Variants in MAEA observed in about 807,000 individuals in gnomAD.
MAEA encodes E3 ubiquitin-protein transferase MAEA.
MAEA carries 22 observed loss-of-function variants against 46.2 expected under a neutral mutation model. The ratio of observed to expected loss-of-function variants is 0.48; its 90% confidence interval spans 0.34 to 0.68. The LOEUF is 0.68. Among genes scored for constraint, MAEA ranks in the 30% least tolerant of loss-of-function variants. The pLI is 0.01. For synonymous variants in MAEA, 246 were observed against 222.6 expected (o/e 1.11, Z -0.94); for missense variants, 393 against 558.1 (o/e 0.70, Z 2.98).
rs573251512 is a variant in MAEA at position 1,311,289 on chromosome 4, C to G, written c.70-690C>G. On this transcript the variant is annotated intron_variant, in intron 1 of 8. Coordinates refer to ENST00000303400, the MANE Select transcript of MAEA (RefSeq NM_001017405.3). This position sits in a 1 kb window ranked among gnomAD's most constrained non-coding sequence, Gnocchi z 4.4. ...GGGGAGCGCTGGGGCGTGATTCTGT[C>G]GTGCCGCTTTCAAACCGTAGAGCAC... is the stretch of plus-strand genomic sequence containing the variant. 6.6e-6 allele frequency among the ~76,000 whole-genome samples: 1 copy of G among 152,236 alleles called. No homozygotes were observed. The highest frequency in any genetic ancestry group is 1.5e-5 in the Non-Finnish European group (1 of 68,040).
intron 1 of MAEA, among the ~76,000 whole-genome samples, chr4:1,302,200 C>G (rs6852991): frequency 0.081 from 12,388 of 152,222 alleles, 1,148 homozygotes; most frequent in East Asian, 0.42. Flanking sequence ...AAAGTTGGTT[C>G]AACGTGTGAA....
At chr4:1,309,084 C>T (rs1736117819) in intron 1 of MAEA, among the ~76,000 whole-genome samples, 2 of 152,162 alleles carry the variant, frequency 1.3e-5, no homozygotes, top group Admixed American at 6.5e-5. Flanking sequence ...CTGCTGGCCC[C>T]TCTCTGCATT....
At chr4:1,295,614 C>T (rs566359563) in intron 1 of MAEA, among the ~76,000 whole-genome samples, 3 of 150,522 alleles carry the variant, frequency 2.0e-5, no homozygotes, top group Admixed American at 6.6e-5. Flanking sequence ...CTCCCACACC[C>T]GTGGTGGATG....
chr4:1,312,276 G>T, intron 2 of MAEA, 115 bp downstream of exon 2: 1 of 1,304,124 alleles, frequency 7.7e-7, no homozygotes, highest in Non-Finnish European at 1.1e-6. Context: ...GGTGCGGTTG[G>T]GGGCCCCCTT....
intron 1 of MAEA, among the ~76,000 whole-genome samples, chr4:1,294,104 G>A (rs1734385772): frequency 6.6e-6 from 1 of 152,226 alleles, no homozygotes; most frequent in African/African-American, 2.4e-5. Context: ...CTTTTTCGAT[G>A]TACTTTATCT....
chr4:1,297,102 C>T (rs531366643), intron 1 of MAEA, among the ~76,000 whole-genome samples: 3 of 152,336 alleles, frequency 2.0e-5, no homozygotes, highest in African/African-American at 7.2e-5. Flanking sequence ...AGGCGCAAAA[C>T]CAAATGCCGC....
At chr4:1,335,042 C>T (rs1186897179) in intron 6 of MAEA, 2 of 985,326 alleles carry the variant, frequency 2.0e-6, no homozygotes, top group East Asian at 2.3e-4. Context: ...CGTCTCCCCC[C>T]AAGCTAGAGA....
chr4:1,315,268 T>C (rs1343257947), intron 2 of MAEA, 129 bp from the exon 3 acceptor site: 6 of 863,900 alleles, frequency 6.9e-6, no homozygotes, highest in Admixed American at 2.5e-5. Flanking sequence ...TAGAGCACGG[T>C]TTTTTTTCTG....
intron 7 of MAEA, chr4:1,337,361 GTGAC>G (rs1712914654): frequency 3.4e-6 from 1 of 294,856 alleles, no homozygotes; most frequent in Non-Finnish European, 6.6e-6. Context: ...TGTCCCGCCT[GTGAC>G]TGACTCTGTC....
chr4:1,338,443 C>T lies in MAEA; in HGVS notation c.921C>T (p.Gly307=). ...TCAGACAGTGCTACAAGGAGGACGG[C>T]AGCTCCAAGAGCCCTGACTGCCCTG... ...IKTPQCYKED[G]SSKSPDCPVC... The change falls in exon 8 of 9, where the codon GGC becomes GGT. Residue 307 remains glycine, a synonymous_variant. Transcript: ENST00000303400. 6.2e-7 allele frequency: 1 copy of T among 1,612,722 alleles called. No homozygotes were observed. The highest frequency in any genetic ancestry group is 1.1e-5 in the South Asian group (1 of 91,080).
chr4:1,292,904 T>TC (rs1734244511), intron 1 of MAEA, among the ~76,000 whole-genome samples: 3 of 146,534 alleles, frequency 2.0e-5, no homozygotes, highest in Non-Finnish European at 4.5e-5. Flanking sequence ...TTTTTTTTTT[T>TC]CTTTTTTGAG....
intron 1 of MAEA, among the ~76,000 whole-genome samples, chr4:1,290,221 G>A (rs1377343897): frequency 2.0e-5 from 3 of 152,072 alleles, no homozygotes; most frequent in Non-Finnish European, 4.4e-5. Flanking sequence ...AGAGCTGCGT[G>A]AGCCGAGCCA....
intron 1 of MAEA, among the ~76,000 whole-genome samples, chr4:1,294,190 A>G (rs73069979): frequency 0.15 from 23,374 of 152,084 alleles, 3,444 homozygotes; most frequent in East Asian, 0.42. Context: ...CAGAAGAGCC[A>G]TGGTCTGCCC....
At chr4:1,321,610 T>A (rs955926524) in intron 3 of MAEA, among the ~76,000 whole-genome samples, 2 of 152,202 alleles carry the variant, frequency 1.3e-5, no homozygotes, top group African/African-American at 4.8e-5. Context: ...TGTGGCCTCA[T>A]CCTGGGCCGT....
rs192997841 is a variant in MAEA at position 1,339,494 on chromosome 4, G to T, written c.*325G>T. 4.9e-5 allele frequency: 16 copies of T among 328,308 alleles called. No homozygotes were observed. The highest frequency in any genetic ancestry group is 3.0e-4 in the African/African-American group (14 of 46,108). 20.3% of individuals were successfully genotyped at this position (328,308 alleles called of 1,614,324 possible). On this transcript the variant is annotated 3_prime_UTR_variant, in exon 9 of 9. Coordinates refer to ENST00000303400, the MANE Select transcript of MAEA (RefSeq NM_001017405.3). The stretch of plus-strand genomic sequence containing the variant: ...AAGAACGTTTAAAATATAGGAGTCC[G>T]TGATTTCCCTGTGTTTTCAGTTTCT...
chr4:1,295,307 AG>A (rs1734528311), intron 1 of MAEA, among the ~76,000 whole-genome samples: 1 of 152,216 alleles, frequency 6.6e-6, no homozygotes, highest in Admixed American at 6.5e-5. Context: ...GAATCGTTAT[AG>A]CTAGGGGCCA....
At chr4:1,319,924 C>T (rs530401832) in intron 3 of MAEA, among the ~76,000 whole-genome samples, 102 of 149,960 alleles carry the variant, frequency 6.8e-4, no homozygotes, top group Non-Finnish European at 1.3e-3. Flanking sequence ...TATGAAGGGG[C>T]TTCAGAAAAG....
intron 1 of MAEA, among the ~76,000 whole-genome samples, chr4:1,293,421 T>C (rs189643680): frequency 5.3e-5 from 8 of 152,300 alleles, no homozygotes; most frequent in Admixed American, 6.5e-5. Context: ...TAATTTGTTT[T>C]TTCTTCAAGT....
chr4:1,303,890 G>T (rs947775565), intron 1 of MAEA, among the ~76,000 whole-genome samples: 4 of 137,678 alleles, frequency 2.9e-5, no homozygotes, highest in African/African-American at 1.2e-4. Context: ...GGGCAGGGGG[G>T]TCCGGCAGGG....
Sources: allele counts gnomAD v4.1 joint callset (sites outside exome capture counted in the v4.1 genomes callset), GRCh38; gene constraint gnomAD v4.1.1; non-coding constraint Gnocchi (gnomAD v3.1); transcripts MANE v1.5; gene names NCBI Gene and HGNC (gene_info 2026-07-23, HGNC 2026-07-21).